The following CA10 variants were observed in gnomAD, a reference collection of about 807,000 sequenced individuals.
CA10 encodes the protein carbonic anhydrase-related protein 10.
In CA10, 14 loss-of-function variants were observed where a neutral mutation model predicts 44.2. The observed-to-expected ratio is 0.32, with a 90% CI of 0.21 to 0.50. The LOEUF is 0.50. Ranked by LOEUF, CA10 falls within the 20% of genes least tolerant of loss-of-function variation. The pLI, the probability that CA10 is intolerant of heterozygous loss-of-function variation, is 0.99. For missense variants in CA10, 350 were observed against 409.7 expected (o/e 0.85, Z 1.26); for synonymous variants, 159 against 141.6 (o/e 1.12, Z -0.87).
intron 4 of CA10, among the ~76,000 whole-genome samples, chr17:51,699,568 C>T (rs778661222): frequency 1.6e-4 from 25 of 152,160 alleles, no homozygotes; most frequent in Non-Finnish European, 2.8e-4. Flanking sequence ...AGACATCCCT[C>T]GAGAGCATAA....
intron 3 of CA10, among the ~76,000 whole-genome samples, chr17:51,753,776 C>T (rs1904977051): frequency 6.6e-6 from 1 of 152,238 alleles, no homozygotes; most frequent in Admixed American, 6.5e-5. Context: ...GGGGCCAGAA[C>T]TTGACCTCAG....
chr17:51,785,113 T>C (rs920519065), intron 3 of CA10, among the ~76,000 whole-genome samples: 3 of 152,204 alleles, frequency 2.0e-5, no homozygotes, highest in African/African-American at 7.2e-5. Flanking sequence ...GATCTCATTC[T>C]TTTTTTATGG....
intron 4 of CA10, among the ~76,000 whole-genome samples, chr17:51,724,886 C>G (rs1268152088): frequency 1.3e-5 from 2 of 152,148 alleles, no homozygotes; most frequent in Non-Finnish European, 2.9e-5. Context: ...CAGTAAATAC[C>G]TGAAGATAAA....
intron 1 of CA10, among the ~76,000 whole-genome samples, chr17:52,088,364 C>T (rs1411499615): frequency 6.6e-6 from 1 of 152,058 alleles, no homozygotes; most frequent in Non-Finnish European, 1.5e-5. Context: ...AGTCATTCTA[C>T]CTAAGAAATG....
chr17:51,974,720 AG>A (rs2144076200), intron 2 of CA10, among the ~76,000 whole-genome samples: 1 of 152,280 alleles, frequency 6.6e-6, no homozygotes, highest in East Asian at 1.9e-4. Flanking sequence ...CTGTCAGAAA[AG>A]GTACATTACA....
chr17:51,919,846 G>A (rs2143969436), intron 3 of CA10, among the ~76,000 whole-genome samples: 2 of 152,196 alleles, frequency 1.3e-5, no homozygotes, highest in South Asian at 2.1e-4. Context: ...TAGAGACGGG[G>A]TTTCACCATA....
chr17:51,896,617 G>A (rs1464762726), intron 3 of CA10, among the ~76,000 whole-genome samples: 2 of 152,018 alleles, frequency 1.3e-5, no homozygotes, highest in Non-Finnish European at 2.9e-5. Flanking sequence ...GGGATTGCTG[G>A]GTCAAATGGT....
intron 1 of CA10, among the ~76,000 whole-genome samples, chr17:52,084,653 C>T (rs936431489): frequency 6.6e-6 from 1 of 152,058 alleles, no homozygotes; most frequent in South Asian, 2.1e-4. Flanking sequence ...TTTTCAGCAG[C>T]CTACTAATTA....
chr17:51,717,529 GTATATATATATATATA>G (rs3031848), intron 4 of CA10, among the ~76,000 whole-genome samples: 917 of 50,178 alleles, frequency 0.018, 70 homozygotes, highest in Non-Finnish European at 0.029. Context: ...AAAGAAACTG[GTATATATATATATATA>G]TATATATATA....
intron 2 of CA10, among the ~76,000 whole-genome samples, chr17:51,993,384 C>T (rs1023175532): frequency 7.2e-5 from 11 of 152,108 alleles, no homozygotes; most frequent in African/African-American, 2.7e-4. Flanking sequence ...TCTTCTGAAG[C>T]ATACACTTTG....
chr17:51,949,941 G>A (rs1255084706), intron 2 of CA10, among the ~76,000 whole-genome samples: 17 of 152,148 alleles, frequency 1.1e-4, no homozygotes, highest in Non-Finnish European at 2.2e-4. Context: ...AAAAATTTGC[G>A]TGCAATGCCA....
At chr17:51,674,709 C>T (rs1446974766) in intron 4 of CA10, among the ~76,000 whole-genome samples, 1 of 152,164 alleles carries the variant, frequency 6.6e-6, no homozygotes, top group Non-Finnish European at 1.5e-5. Context: ...CACAATAAAT[C>T]TGGGGGGACC....
chr17:52,051,398 C>T (rs1416675696), intron 2 of CA10, among the ~76,000 whole-genome samples: 3 of 151,574 alleles, frequency 2.0e-5, no homozygotes, highest in Non-Finnish European at 4.4e-5. Flanking sequence ...GCAAACTACA[C>T]ATCCTACAAA....
chr17:51,775,770 G>A (rs1369382163), intron 3 of CA10, among the ~76,000 whole-genome samples: 1 of 152,162 alleles, frequency 6.6e-6, no homozygotes, highest in African/African-American at 2.4e-5. Flanking sequence ...CTCTGAGCAA[G>A]TAATATTTAA....
chr17:51,965,066 T>G (rs762951310), intron 2 of CA10, among the ~76,000 whole-genome samples: 2 of 151,890 alleles, frequency 1.3e-5, no homozygotes, highest in African/African-American at 4.8e-5. Context: ...AAAAGTGACA[T>G]TATAACCAAT....
chr17:52,125,574 TAACTC>T (rs1989101778), intron 1 of CA10, among the ~76,000 whole-genome samples: 1 of 152,210 alleles, frequency 6.6e-6, no homozygotes, highest in African/African-American at 2.4e-5. Context: ...ATGTAAATCT[TAACTC>T]ATCTGCTTGC....
chr17:51,970,055 T>C (rs564076482), intron 2 of CA10, among the ~76,000 whole-genome samples: 1 of 152,062 alleles, frequency 6.6e-6, no homozygotes, highest in Non-Finnish European at 1.5e-5. Context: ...AGGGGAAAGA[T>C]GGAACGCACA....
Position 51,809,650 on chromosome 17 carries a change from C to T in CA10, c.280-61832G>A, listed in dbSNP as rs115303488. Among the ~76,000 whole-genome samples, 1,375 of 152,256 alleles carry T rather than the reference C, an allele frequency of 9.0e-3. 22 individuals carry two copies. The highest frequency in any genetic ancestry group is 0.031 in the African/African-American group (1,279 of 41,542). ...GACTGACAAACTCCTCAGTAGCTGG[C>T]AAAGCTTTCCTGAACAATGGAGGAC... is the stretch of plus-strand genomic sequence containing the variant. On this transcript the variant is annotated intron_variant, in intron 3 of 8. Coordinates refer to ENST00000451037, the MANE Select transcript of CA10 (RefSeq NM_020178.5).
At chr17:52,148,718 T>C (rs1989641572) in intron 1 of CA10, among the ~76,000 whole-genome samples, 1 of 152,202 alleles carries the variant, frequency 6.6e-6, no homozygotes, top group African/African-American at 2.4e-5. Context: ...CATTCATTAT[T>C]GAGCATTTTC....
Sources: allele counts gnomAD v4.1 joint callset (sites outside exome capture counted in the v4.1 genomes callset), GRCh38; gene constraint gnomAD v4.1.1; transcripts MANE v1.5; gene names NCBI Gene and HGNC (gene_info 2026-07-23, HGNC 2026-07-21).